Variants in NALCN observed in about 807,000 individuals in gnomAD.
The protein encoded by NALCN is sodium leak channel, non-selective.
A neutral mutation model predicts 225.3 loss-of-function variants in NALCN; 111 were observed. The observed-to-expected ratio is 0.49, with a 90% CI of 0.42 to 0.58. NALCN has a LOEUF of 0.58. NALCN is among the 20% of genes least tolerant of loss of function. The pLI is 0.00. For missense variants in NALCN, 1,378 were observed against 2,202.4 expected, an observed-to-expected ratio of 0.63 and a Z score of 7.49; for synonymous variants, 764 against 769.0, an observed-to-expected ratio of 0.99 and a Z score of 0.11.
chr13:101,171,782 C>A (rs1455365394), intron 15 of NALCN, among the ~76,000 whole-genome samples: 2 of 152,134 alleles, frequency 1.3e-5, no homozygotes, highest in Admixed American at 1.3e-4. Flanking sequence ...AATTTCTGTG[C>A]AAAAAGTCCT....
chr13:101,082,079 C>T (rs867002677), intron 33 of NALCN, among the ~76,000 whole-genome samples: 29 of 152,066 alleles, frequency 1.9e-4, no homozygotes, highest in Middle Eastern at 3.4e-3. Flanking sequence ...GGTTTCACCA[C>T]GTTGGCCAGG....
intron 6 of NALCN, among the ~76,000 whole-genome samples, chr13:101,352,206 C>T (rs1279128895): frequency 6.6e-6 from 1 of 152,098 alleles, no homozygotes; most frequent in Non-Finnish European, 1.5e-5. Flanking sequence ...AAGGAATGAC[C>T]ACAGGAGAGT....
chr13:101,123,758 T>C (rs1338156199), intron 18 of NALCN, among the ~76,000 whole-genome samples: 2 of 152,198 alleles, frequency 1.3e-5, no homozygotes, highest in Non-Finnish European at 2.9e-5. Context: ...AAAGATCATA[T>C]ATACTAAGCT....
chr13:101,272,382 T>C (rs1161664064), intron 10 of NALCN, among the ~76,000 whole-genome samples: 3 of 152,218 alleles, frequency 2.0e-5, no homozygotes, highest in South Asian at 4.1e-4. Flanking sequence ...TGTGAGGCTA[T>C]GTTTTCTGCA....
Position 101,082,791 on chromosome 13 carries a change from G to A in NALCN, c.3765+18C>T. On this transcript the variant is annotated intron_variant, in intron 33 of 43. Transcript: ENST00000251127. ...CTGTGCACAGATTCCCCCAGAGCTA[G>A]CTGACTCATTACAGTACCTCCAGAA... The A allele has an allele frequency of 6.2e-7, 1 of 1,613,542 alleles. No homozygotes were observed. Among genetic ancestry groups the A allele is most frequent in the Non-Finnish European group, 8.5e-7 (1 of 1,179,466 alleles).
intron 6 of NALCN, among the ~76,000 whole-genome samples, chr13:101,352,273 C>T (rs561383545): frequency 1.3e-5 from 2 of 152,188 alleles, no homozygotes; most frequent in East Asian, 3.9e-4. Context: ...AAGTTCAAAG[C>T]GGAAACATCA....
chr13:101,074,057 C>T (rs1269688954), intron 36 of NALCN, among the ~76,000 whole-genome samples: 1 of 152,080 alleles, frequency 6.6e-6, no homozygotes, highest in Admixed American at 6.5e-5. Flanking sequence ...AAAAATGATG[C>T]ATCTATAAAA....
Position 101,065,917 on chromosome 13 carries a change from C to T in NALCN, c.4447-356G>A, listed in dbSNP as rs117287360. ...CCACAGACGCCACCTCCAACACATG[C>T]ACTGAGTGGGCCATAATGTACTCAC... On this transcript the variant is annotated intron_variant, in intron 39 of 43. Coordinates refer to ENST00000251127, the MANE Select transcript of NALCN (RefSeq NM_052867.4). Among the ~76,000 whole-genome samples the T allele has an allele frequency of 6.6e-3, 1,012 of 152,276 alleles. 7 individuals carry two copies. In the Middle Eastern group the frequency reaches 0.078, roughly 12 times the overall value.
intron 6 of NALCN, among the ~76,000 whole-genome samples, chr13:101,371,312 T>C (rs2046532579): frequency 6.6e-6 from 1 of 152,056 alleles, no homozygotes; most frequent in Non-Finnish European, 1.5e-5. Flanking sequence ...CCAACTTTTT[T>C]TCTTTCTTTC....
At chr13:101,073,154 T>TA (rs1225422192) in intron 37 of NALCN, among the ~76,000 whole-genome samples, 1 of 152,176 alleles carries the variant, frequency 6.6e-6, no homozygotes, top group Non-Finnish European at 1.5e-5. Context: ...GTATACTTTA[T>TA]AGTATAAAGG....
chr13:101,146,701 T>C (rs1232507120), intron 15 of NALCN, among the ~76,000 whole-genome samples: 1 of 152,208 alleles, frequency 6.6e-6, no homozygotes, highest in Non-Finnish European at 1.5e-5. Context: ...TGCTGACTCA[T>C]TTATTTATAC....
chr13:101,121,954 C>CTT (rs34912854), intron 18 of NALCN, among the ~76,000 whole-genome samples: 1 of 146,828 alleles, frequency 6.8e-6, no homozygotes, highest in Non-Finnish European at 1.5e-5. Flanking sequence ...AAATGTTTTC[C>CTT]TTTTTTTTTT....
intron 14 of NALCN, among the ~76,000 whole-genome samples, chr13:101,190,819 G>A (rs147407774): frequency 1.3e-5 from 2 of 152,182 alleles, no homozygotes; most frequent in East Asian, 3.9e-4. Context: ...TGATTCTTTG[G>A]CAGAAGTTTG....
Position 101,292,053 on chromosome 13 carries a change from G to A in NALCN, c.984C>T (p.Ile328=), listed in dbSNP as rs1208785841. Residue 328 remains isoleucine (I), a synonymous_variant, in exon 9 of 44, where the codon ATC becomes ATT. Coordinates refer to ENST00000251127, the MANE Select transcript of NALCN (RefSeq NM_052867.4). This position sits in a 1 kb window ranked among gnomAD's most constrained non-coding sequence, Gnocchi z 4.3. ...CCCACATTTGTTGAAACTGTACTCT[G>A]ATTTCTGCAAATGTTTCAATGATAA... ...IAVIIETFAE[I]RVQFQQMWGS... is the part of the protein sequence containing the mutation. 3.7e-6 allele frequency: 6 copies of A among 1,614,058 alleles called. No homozygotes were observed. Among genetic ancestry groups the A allele is most frequent in the African/African-American group, 1.3e-5 (1 of 75,018 alleles).
rs766667990 is a variant in NALCN at position 101,144,745 on chromosome 13, G to T, written c.1976+15C>A. On this transcript the variant is annotated intron_variant, in intron 16 of 43. Coordinates refer to ENST00000251127, the MANE Select transcript of NALCN (RefSeq NM_052867.4). ...AATATATGTGAAATATGCAATTAAA[G>T]AAGTATTTTGGTACCTGATTTTAGG... 2.5e-6 allele frequency: 4 copies of T among 1,601,232 alleles called. No individual in the cohort carries two copies. The East Asian group carries it at 6.7e-5, about 27-fold the overall frequency.
intron 15 of NALCN, among the ~76,000 whole-genome samples, chr13:101,148,389 C>T (rs1186610563): frequency 1.3e-5 from 2 of 152,168 alleles, no homozygotes; most frequent in East Asian, 1.9e-4. Context: ...GTTTCTGTGT[C>T]TCTGAATCTG....
intron 1 of NALCN, among the ~76,000 whole-genome samples, chr13:101,415,204 CACACAT>C (rs1232481942): frequency 0.024 from 733 of 30,552 alleles, 42 homozygotes; most frequent in Non-Finnish European, 0.026. Flanking sequence ...ATACAAATCA[CACACAT>C]ATATATATAT....
At position 101,123,803 on chromosome 13, in the gene NALCN, T is replaced by C. The variant is rs374059087; in HGVS notation, c.2192+805A>G. 1.2e-3 allele frequency among the ~76,000 whole-genome samples: 182 copies of C among 152,326 alleles called. 5 individuals carry two copies. The South Asian group carries it at 0.035, about 29-fold the overall frequency. ...CACACAGTCTTCCAAGTTATAGTAA[T>C]ATGCATTCTGGAGAGAATGCATTAA... On this transcript the variant is annotated intron_variant, in intron 18 of 43. Coordinates refer to ENST00000251127, the MANE Select transcript of NALCN (RefSeq NM_052867.4).
chr13:101,179,415 A>G (rs1367061224), intron 14 of NALCN, among the ~76,000 whole-genome samples: 1 of 152,196 alleles, frequency 6.6e-6, no homozygotes, highest in Admixed American at 6.5e-5. Context: ...AAGCTAAAAT[A>G]AATTTCTTGG....
Sources: allele counts gnomAD v4.1 joint callset (sites outside exome capture counted in the v4.1 genomes callset), GRCh38; gene constraint gnomAD v4.1.1; non-coding constraint Gnocchi (gnomAD v3.1); transcripts MANE v1.5; gene names NCBI Gene and HGNC (gene_info 2026-07-23, HGNC 2026-07-21).